Variants in GOLGA8H observed in about 807,000 individuals in gnomAD.
GOLGA8H encodes the protein golgin A8 family member H, also known as golgin subfamily A member 8H.
GOLGA8H carries 47 observed loss-of-function variants against 82.7 expected under a neutral mutation model. The ratio of observed to expected loss-of-function variants is 0.57; its 90% CI spans 0.45 to 0.73. The LOEUF is 0.73. Ranked by LOEUF, GOLGA8H falls within the 30% of genes least tolerant of loss-of-function variation. The pLI is 0.00. For missense variants in GOLGA8H, 372 were observed against 661.0 expected, an observed-to-expected ratio of 0.56 and a Z score of 4.79; for synonymous variants, 108 against 241.6, an observed-to-expected ratio of 0.45 and a Z score of 5.13.
Position 30,616,135 on chromosome 15 carries a change from C to T in GOLGA8H, c.*1574C>T, listed in dbSNP as rs2140861491. The stretch of plus-strand genomic sequence containing the variant: ...TGTGCCTATGCATGATGAATGAATG[C>T]ATTTCAGTTGTATATTGCCTAAATC... On this transcript the variant is annotated 3_prime_UTR_variant, in exon 19 of 19. Transcript: ENST00000566740. 6.6e-6 allele frequency among the ~76,000 whole-genome samples: 1 copy of T among 152,122 alleles called. No homozygotes were observed.
At chr15:30,606,265 G>A (rs2059922476) in intron 2 of GOLGA8H, among the ~76,000 whole-genome samples, 1 of 151,362 alleles carries the variant, frequency 6.6e-6, no homozygotes, top group South Asian at 2.1e-4. Flanking sequence ...TGAGGCAAGA[G>A]AATGGTGTGA....
chr15:30,615,538 G>C lies in GOLGA8H; in HGVS notation c.*977G>C, dbSNP rs1239287670. ...ATGTCCCAGTACACAAAAGGGCACT[G>C]GTTGGCATTCTTCTTAATGTATTTA... On this transcript the variant is annotated 3_prime_UTR_variant, in exon 19 of 19. Coordinates refer to ENST00000566740, the MANE Select transcript of GOLGA8H (RefSeq NM_001282490.2). Among the ~76,000 whole-genome samples the C allele has an allele frequency of 6.7e-6, 1 of 149,366 alleles. No individual in the cohort carries two copies. The highest frequency in any genetic ancestry group is 6.7e-5 in the Admixed American group (1 of 14,876).
chr15:30,617,491 T>A lies in GOLGA8H; in HGVS notation c.*2930T>A, dbSNP rs575227860. On this transcript the variant is annotated 3_prime_UTR_variant, in exon 19 of 19. Coordinates refer to ENST00000566740, the MANE Select transcript of GOLGA8H (RefSeq NM_001282490.2). ...AAAAATGTAACTGCTATCTTAATGT[T>A]CTGAAATAATTTAAAACATTTTAAA... 117 of 150,688 alleles carry A rather than the reference T, an allele frequency of 7.8e-4. No homozygotes were observed. Among genetic ancestry groups the A allele is most frequent in the African/African-American group, 2.7e-3 (112 of 40,958 alleles). 9.3% of individuals were successfully genotyped at this position (150,688 alleles called of 1,614,324 possible). A position where few individuals can be genotyped will look rare whatever the true frequency, so the allele number is the denominator to read the frequency against.
In GOLGA8H at chr15:30,614,567, A is replaced by C; in HGVS notation, c.*6A>C. The C allele has an allele frequency of 6.3e-7, 1 of 1,598,636 alleles. No homozygotes were observed. Among genetic ancestry groups the C allele is most frequent in the Non-Finnish European group, 8.5e-7 (1 of 1,179,368 alleles). On this transcript the variant is annotated 3_prime_UTR_variant, in exon 19 of 19. Coordinates refer to ENST00000566740, the MANE Select transcript of GOLGA8H (RefSeq NM_001282490.2). Reference sequence around the variant, plus strand: ...TGCCAAGAAGAAGGAGATAAACATCACCATCCTCAAAGAGCTGCTCAAGAA... The same window carrying C: ...TGCCAAGAAGAAGGAGATAAACATCCCCATCCTCAAAGAGCTGCTCAAGAA...
intron 4 of GOLGA8H, chr15:30,607,729 C>G (rs1244753072): frequency 2.5e-5 from 15 of 602,892 alleles, no homozygotes; most frequent in East Asian, 2.3e-4. Flanking sequence ...ACCCACTTCT[C>G]TAAATCACAA....
intron 2 of GOLGA8H, among the ~76,000 whole-genome samples, chr15:30,606,508 T>G (rs952650811): frequency 6.6e-6 from 1 of 151,548 alleles, no homozygotes; most frequent in African/African-American, 2.4e-5. Context: ...TTGTGAAATT[T>G]TCATGAGATT....
At chr15:30,606,340 AAG>A (rs1478680274) in intron 2 of GOLGA8H, among the ~76,000 whole-genome samples, 1 of 150,752 alleles carries the variant, frequency 6.6e-6, no homozygotes, top group African/African-American at 2.5e-5. Flanking sequence ...GTGACAGAGC[AAG>A]ACTCTGTCTC....
rs1392649441 is a variant in GOLGA8H, at chr15:30,609,836, T to G, written c.622T>G (p.Trp208Gly). 1 of 1,597,106 alleles carries G rather than the reference T, an allele frequency of 6.3e-7. No individual in the cohort carries two copies. Among genetic ancestry groups the G allele is most frequent in the East Asian group, 2.2e-5 (1 of 44,578 alleles). Residue 208 changes from tryptophan to glycine, a missense_variant, in exon 9 of 19, where the codon TGG becomes GGG. Trp to Gly is a radical substitution (Grantham distance 184, BLOSUM62 -2). Transcript: ENST00000566740. ...CAGCCGCAGCAAAGCACGTACGGAGTGGAAGTTAGAGCAGTCCATGCGGGA... is the reference window on the plus strand; with the variant it reads ...CAGCCGCAGCAAAGCACGTACGGAGGGGAAGTTAGAGCAGTCCATGCGGGA... ...LSSRSKARTE[W>G]KLEQSMREEA...
Position 30,614,547 on chromosome 15 carries a change from A to G in GOLGA8H, c.1885A>G (p.Arg629Gly). 6.2e-7 allele frequency: 1 copy of G among 1,601,204 alleles called. No homozygotes were observed. The highest frequency in any genetic ancestry group is 1.3e-5 in the African/African-American group (1 of 74,760). ...ATTGTTGTGCTGGGCTTGGCTGCCA[A>G]GAAGAAGGAGATAAACATCACCATC... Reference protein sequence around the residue: ...VPLLCWAWLPRRRR With the variant: ...VPLLCWAWLPGRRR Residue 629 changes from arginine (R) to glycine (G), a missense_variant, in exon 19 of 19, where the codon AGA becomes GGA. Physicochemically the swap from Arg to Gly is moderately radical, Grantham distance 125. Coordinates refer to ENST00000566740, the MANE Select transcript of GOLGA8H (RefSeq NM_001282490.2).
chr15:30,611,790 A>G (rs1780453829), intron 13 of GOLGA8H, among the ~76,000 whole-genome samples: 1 of 110,180 alleles, frequency 9.1e-6, no homozygotes, highest in South Asian at 2.8e-4. Flanking sequence ...ATTGTGGCGC[A>G]TGCCTGTAAT....
chr15:30,608,327 A>G lies in GOLGA8H; in HGVS notation c.349-4A>G, dbSNP rs145771398. 2.1e-3 allele frequency: 3,322 copies of G among 1,592,942 alleles called. 146 individuals are homozygous for G. In the African/African-American group the frequency reaches 0.04, roughly 19 times the overall value. ...GTAAGAGCTCTGTCTTCTTCTTCCT[A>G]CAGGAAAAGAAAGCAAACAACAAGA... On this transcript the variant is annotated splice_region_variant and splice_polypyrimidine_tract_variant and intron_variant, in intron 5 of 18. Transcript: ENST00000566740.
chr15:30,605,974 C>G lies in GOLGA8H; in HGVS notation c.168+12C>G. On this transcript the variant is annotated intron_variant, in intron 2 of 18. Transcript: ENST00000566740. ...AGCCACCTGGGGATGTGAGTCTTGG[C>G]TGACCAGGCTTCTGGGGACAGGGGG... The G allele has an allele frequency of 1.9e-6, 3 of 1,592,612 alleles. No homozygotes were observed. Among genetic ancestry groups the G allele is most frequent in the Non-Finnish European group, 2.6e-6 (3 of 1,175,378 alleles).
chr15:30,610,660 T>C (rs1157396153), intron 11 of GOLGA8H, 106 bp from the exon 12 acceptor site: 6 of 1,074,672 alleles, frequency 5.6e-6, no homozygotes, highest in African/African-American at 1.7e-5. Flanking sequence ...GAGGAATCAT[T>C]AGCAGTGAGG....
At chr15:30,608,609 G>T (rs1166064837) in intron 7 of GOLGA8H, 38 bp from the exon 8 acceptor site, 12 of 1,603,300 alleles carry the variant, frequency 7.5e-6, no homozygotes, top group East Asian at 2.2e-5. Context: ...GTCTTCAGGG[G>T]GAGTCCTTTG....
At chr15:30,606,506 T>C (rs1230359327) in intron 2 of GOLGA8H, among the ~76,000 whole-genome samples, 1 of 151,526 alleles carries the variant, frequency 6.6e-6, no homozygotes, top group African/African-American at 2.4e-5. Flanking sequence ...ATTTGTGAAA[T>C]TTTCATGAGA....
chr15:30,609,943 A>C, intron 9 of GOLGA8H, 51 bp downstream of exon 9: 1 of 1,593,896 alleles, frequency 6.3e-7, no homozygotes, highest in East Asian at 2.2e-5. Context: ...CCAGGTGGCC[A>C]GGAGCAGGTG....
At position 30,610,580 on chromosome 15, in the gene GOLGA8H, G is replaced by A. The variant is rs1278857660; in HGVS notation, c.875-186G>A. 3.3e-5 allele frequency among the ~76,000 whole-genome samples: 5 copies of A among 150,440 alleles called. 1 individual carries two copies. The highest frequency in any genetic ancestry group is 1.2e-4 in the African/African-American group (5 of 40,054). On this transcript the variant is annotated intron_variant, in intron 11 of 18. Coordinates refer to ENST00000566740, the MANE Select transcript of GOLGA8H (RefSeq NM_001282490.2). ...CTCAGTGTCCCCATCAGGAAAGAGG[G>A]CCCGTTGCCAGCCACCCGCAGTGCT...
chr15:30,606,223 C>T (rs1486834790), intron 2 of GOLGA8H, among the ~76,000 whole-genome samples: 1 of 151,332 alleles, frequency 6.6e-6, no homozygotes, highest in East Asian at 2.0e-4. Context: ...AGCGTGGTGG[C>T]GTGTGCCTGT....
chr15:30,605,770 A>G, intron 1 of GOLGA8H, 73 bp from the exon 2 acceptor site: 2 of 1,568,636 alleles, frequency 1.3e-6, no homozygotes, highest in Non-Finnish European at 1.7e-6. Flanking sequence ...TGTATTTTGT[A>G]AAAACTGTAA....
Sources: allele counts gnomAD v4.1 joint callset (sites outside exome capture counted in the v4.1 genomes callset), GRCh38; gene constraint gnomAD v4.1.1; transcripts MANE v1.5; gene names NCBI Gene and HGNC (gene_info 2026-07-23, HGNC 2026-07-21).